The following FMN1 variants were observed in gnomAD, a reference collection of about 807,000 sequenced individuals.
The protein encoded by FMN1 is formin-1.
A neutral mutation model predicts 132.4 loss-of-function variants in FMN1; 110 were observed. The observed-to-expected ratio is 0.83, with a 90% CI of 0.71 to 0.97. The LOEUF (loss-of-function observed/expected upper bound fraction) is 0.97, where lower values mean the gene tolerates loss of function less well. Among genes scored for constraint, FMN1 ranks in the 50% least tolerant of loss-of-function variants. FMN1 has a pLI of 0.00. For missense variants in FMN1, 1,792 were observed against 1,705.3 expected, an observed-to-expected ratio of 1.05 and a Z score of -0.90; for synonymous variants, 722 against 651.7, an observed-to-expected ratio of 1.11 and a Z score of -1.64.
intron 6 of FMN1, among the ~76,000 whole-genome samples, chr15:33,039,679 C>T (rs1393789852): frequency 6.6e-6 from 1 of 152,092 alleles, no homozygotes; most frequent in Non-Finnish European, 1.5e-5. Flanking sequence ...ATAGCCCTGA[C>T]AATAGGCTTA....
intron 3 of FMN1, among the ~76,000 whole-genome samples, chr15:33,165,047 G>GT (rs1376869276): frequency 1.3e-5 from 2 of 152,124 alleles, no homozygotes; most frequent in Non-Finnish European, 2.9e-5. Context: ...ATCTAACTAT[G>GT]TTTTTGTACC....
At chr15:32,987,348 T>C (rs145150658) in intron 7 of FMN1, among the ~76,000 whole-genome samples, 1,987 of 152,312 alleles carry the variant, frequency 0.013, 16 homozygotes, top group Middle Eastern at 0.044. Flanking sequence ...GTACCCTTTA[T>C]GAAAAAATGA....
At chr15:32,890,987 A>C (rs1393169250) in intron 15 of FMN1, among the ~76,000 whole-genome samples, 2 of 152,198 alleles carry the variant, frequency 1.3e-5, no homozygotes, top group Admixed American at 6.5e-5. Flanking sequence ...CCATTTGTTG[A>C]AAAGGGTGTC....
At chr15:32,866,864 C>T (rs1193513375) in intron 16 of FMN1, among the ~76,000 whole-genome samples, 2 of 152,162 alleles carry the variant, frequency 1.3e-5, no homozygotes, top group Non-Finnish European at 2.9e-5. Context: ...CGTCTGTGTT[C>T]CCCATTGTGG....
intron 5 of FMN1, chr15:33,066,863 A>AGAGTGG: frequency 4.3e-6 from 7 of 1,613,948 alleles, no homozygotes; most frequent in Non-Finnish European, 5.9e-6. Flanking sequence ...CTGCTCCAGG[A>AGAGTGG]GAGTGGGAGT....
At chr15:32,830,517 C>G (rs2058474048) in intron 17 of FMN1, among the ~76,000 whole-genome samples, 1 of 152,132 alleles carries the variant, frequency 6.6e-6, no homozygotes, top group Non-Finnish European at 1.5e-5. Context: ...GGAGGAACTC[C>G]TTTAAATTCT....
chr15:33,106,768 T>C (rs1344309164), intron 4 of FMN1, among the ~76,000 whole-genome samples: 2 of 152,028 alleles, frequency 1.3e-5, no homozygotes, highest in East Asian at 3.9e-4. Context: ...CACTAGTTAA[T>C]AGTAGCATCC....
At chr15:33,124,462 G>A (rs3861199) in intron 4 of FMN1, among the ~76,000 whole-genome samples, 15,481 of 152,102 alleles carry the variant, frequency 0.1, 854 homozygotes, top group Middle Eastern at 0.16. Flanking sequence ...AGAGGCGGCA[G>A]CTGCATGACC....
At chr15:32,865,798 T>C (rs2059377200) in intron 16 of FMN1, among the ~76,000 whole-genome samples, 1 of 148,934 alleles carries the variant, frequency 6.7e-6, no homozygotes, top group African/African-American at 2.5e-5. Context: ...ATCATGCCAT[T>C]GCACTCCAGC....
intron 4 of FMN1, among the ~76,000 whole-genome samples, chr15:33,099,844 A>G (rs149114400): frequency 4.7e-4 from 72 of 152,336 alleles, no homozygotes; most frequent in African/African-American, 1.7e-3. Flanking sequence ...CATTTTTCCA[A>G]GCTTTGAGGT....
At chr15:33,024,242 T>A (rs2035562342) in intron 6 of FMN1, among the ~76,000 whole-genome samples, 1 of 36,888 alleles carries the variant, frequency 2.7e-5, no homozygotes, top group African/African-American at 1.0e-4. Context: ...TTTTTTTTTT[T>A]TTTTTTTTTT....
intron 10 of FMN1, among the ~76,000 whole-genome samples, chr15:32,924,909 C>T (rs924520973): frequency 6.6e-6 from 1 of 152,062 alleles, no homozygotes; most frequent in East Asian, 1.9e-4. Flanking sequence ...AGCAAAACTC[C>T]GTCTCAAAAC....
chr15:32,819,123 A>G (rs918123012), intron 17 of FMN1, among the ~76,000 whole-genome samples: 1 of 152,154 alleles, frequency 6.6e-6, no homozygotes, highest in Non-Finnish European at 1.5e-5. Flanking sequence ...AGAACCCCAC[A>G]TGTTCAACTG....
intron 9 of FMN1, among the ~76,000 whole-genome samples, chr15:32,934,767 G>A (rs926709428): frequency 5.3e-4 from 80 of 151,132 alleles, no homozygotes; most frequent in African/African-American, 1.8e-3. Flanking sequence ...CTGCCATGCT[G>A]GGCTAATTTT....
In FMN1 at chr15:33,038,444, A is replaced by T. The variant is rs150181937; in HGVS notation, c.2161+26513T>A. Among the ~76,000 whole-genome samples, 1,465 of 152,330 alleles carry T rather than the reference A, an allele frequency of 9.6e-3. 25 individuals are homozygous for T. Among genetic ancestry groups the T allele is most frequent in the African/African-American group, 0.032 (1,328 of 41,576 alleles). On this transcript the variant is annotated intron_variant, in intron 6 of 20. Transcript: ENST00000616417. ...TTTTCCATGGAATTCATTGAAAAGT[A>T]ACACAGTTTTATGCTTGAATATTTT...
At chr15:32,781,416 G>T (rs1014550694) in intron 19 of FMN1, among the ~76,000 whole-genome samples, 7 of 152,128 alleles carry the variant, frequency 4.6e-5, no homozygotes, top group Non-Finnish European at 1.0e-4. Flanking sequence ...TAGTTACAAT[G>T]AATTCAACAT....
At chr15:32,844,011 T>A (rs1184514251) in intron 17 of FMN1, among the ~76,000 whole-genome samples, 1 of 152,138 alleles carries the variant, frequency 6.6e-6, no homozygotes, top group Non-Finnish European at 1.5e-5. Flanking sequence ...ATAAAAAAAC[T>A]GGGAGGGAAA....
At chr15:33,084,739 G>C (rs886877383) in intron 5 of FMN1, among the ~76,000 whole-genome samples, 4 of 130,228 alleles carry the variant, frequency 3.1e-5, no homozygotes, top group Admixed American at 7.6e-5. Flanking sequence ...AGGAACCCCT[G>C]AGTCTTCTCA....
At chr15:32,933,442 A>G (rs1380767321) in intron 9 of FMN1, among the ~76,000 whole-genome samples, 1 of 152,124 alleles carries the variant, frequency 6.6e-6, no homozygotes, top group Non-Finnish European at 1.5e-5. Context: ...TGTGTTTCAA[A>G]ACCCAATTCC....
Sources: allele counts gnomAD v4.1 joint callset (sites outside exome capture counted in the v4.1 genomes callset), GRCh38; gene constraint gnomAD v4.1.1; transcripts MANE v1.5; gene names NCBI Gene and HGNC (gene_info 2026-07-23, HGNC 2026-07-21).